MFN2: variants seen among roughly 807,000 people sequenced by gnomAD.
MFN2 encodes mitofusin-2.
In MFN2, 43 loss-of-function variants were observed where a neutral mutation model predicts 87.5. The observed-to-expected ratio is 0.49, with a 90% CI of 0.38 to 0.63. The LOEUF (loss-of-function observed/expected upper bound fraction) is 0.63, where lower values mean the gene tolerates loss of function less well. MFN2 is among the 30% of genes least tolerant of loss of function. The pLI is 0.00. For missense variants in MFN2, 743 were observed against 972.8 expected (o/e 0.76, Z 3.14); for synonymous variants, 337 against 359.9 (o/e 0.94, Z 0.72).
At chr1:12,009,468 C>A in intron 17 of MFN2, 124 bp from the exon 18 acceptor site, 1 of 1,399,316 alleles carries the variant, frequency 7.1e-7, no homozygotes, top group Non-Finnish European at 1.0e-6. Flanking sequence ...CCAGGCCTGG[C>A]TCAGGGCAGA....
At chr1:11,996,996 C>T (rs1638936670) in intron 5 of MFN2, among the ~76,000 whole-genome samples, 1 of 149,832 alleles carries the variant, frequency 6.7e-6, no homozygotes, top group Non-Finnish European at 1.5e-5. Flanking sequence ...TGAGATCACG[C>T]CACTGTACTC....
chr1:11,992,477 G>A, intron 3 of MFN2, 78 bp from the exon 4 acceptor site: 1 of 1,588,492 alleles, frequency 6.3e-7, no homozygotes, highest in South Asian at 1.1e-5. Context: ...AGCAGGGCCG[G>A]CGCTCTGGCC....
In MFN2 at chr1:11,991,910, C is replaced by T. The variant is rs369301591; in HGVS notation, c.176-645C>T. 4.2e-5 allele frequency among the ~76,000 whole-genome samples: 4 copies of T among 96,364 alleles called. No individual in the cohort carries two copies. The South Asian group carries it at 1.3e-3, about 31-fold the overall frequency. 63.2% of individuals were successfully genotyped at this position (96,364 alleles called of 152,430 possible). On this transcript the variant is annotated intron_variant, in intron 3 of 18. Coordinates refer to ENST00000235329, the MANE Select transcript of MFN2 (RefSeq NM_014874.4). ...CTGCACTCCAGCCTGGGCGACAGAG[C>T]GAGACTCCGTCTCAAAAAAAAAAAA...
intron 7 of MFN2, 34 bp from the exon 8 acceptor site, chr1:11,998,954 C>G: frequency 6.2e-7 from 1 of 1,612,786 alleles, no homozygotes. Context: ...GGCTGTCAAG[C>G]TCCTGCTCCA....
In MFN2 at chr1:12,003,275, C is replaced by T. The variant is rs1055165117; in HGVS notation, c.1161-717C>T. 6.6e-6 allele frequency among the ~76,000 whole-genome samples: 1 copy of T among 152,226 alleles called. No homozygotes were observed. Among genetic ancestry groups the T allele is most frequent in the African/African-American group, 2.4e-5 (1 of 41,448 alleles). ...CAGCCGTACCCATTCATTGCATGACCAGTACTGTCCATAGGCCTTCCATTT... is the reference window on the plus strand; with the variant it reads ...CAGCCGTACCCATTCATTGCATGACTAGTACTGTCCATAGGCCTTCCATTT... On this transcript the variant is annotated intron_variant, in intron 11 of 18. Coordinates refer to ENST00000235329, the MANE Select transcript of MFN2 (RefSeq NM_014874.4). The surrounding 1 kb of genome is among the most constrained non-coding windows in gnomAD (Gnocchi z 4.1).
In MFN2 at chr1:12,000,176, CAGT is replaced by C. The variant is rs576240587; in HGVS notation, c.816+1084_816+1086del. On this transcript the variant is annotated intron_variant, in intron 8 of 18. Transcript: ENST00000235329. ...GGATGATAAAACATGCAGTTGCAGTCAGTAGGCCAGAGTCCAAATTATTTATTT... is the reference window on the plus strand; with the variant it reads ...GGATGATAAAACATGCAGTTGCAGTCAGGCCAGAGTCCAAATTATTTATTT... Among the ~76,000 whole-genome samples, 532 of 152,120 alleles carry C rather than the reference CAGT, an allele frequency of 3.5e-3. 4 individuals carry two copies. Among genetic ancestry groups the C allele is most frequent in the Middle Eastern group, 0.027 (8 of 294 alleles).
intron 3 of MFN2, chr1:11,992,280 A>G (rs1638718909): frequency 6.0e-6 from 3 of 499,904 alleles, no homozygotes; most frequent in Non-Finnish European, 1.1e-5. Context: ...GTGCTTAAGG[A>G]AACTAAGACC....
At chr1:12,000,819 A>G (rs938952037) in intron 8 of MFN2, among the ~76,000 whole-genome samples, 1 of 152,174 alleles carries the variant, frequency 6.6e-6, no homozygotes, top group African/African-American at 2.4e-5. Flanking sequence ...AAAATGAGGC[A>G]CTATATAGGC....
At position 12,006,053 on chromosome 1, in the gene MFN2, C is replaced by G. The variant is rs1639402021; in HGVS notation, c.1716+122C>G. The G allele has an allele frequency of 1.2e-5, 10 of 852,070 alleles. No homozygotes were observed. In the South Asian group the frequency reaches 1.5e-4, roughly 12 times the overall value. 52.8% of individuals were successfully genotyped at this position (852,070 alleles called of 1,614,324 possible). A position where few individuals can be genotyped will look rare whatever the true frequency, so the allele number is the denominator to read the frequency against. The stretch of plus-strand genomic sequence containing the variant: ...TCAGCAGCTGTGGTGGTGTGCCCCA[C>G]CACACAGTACACCACAGACAGAATT... On this transcript the variant is annotated intron_variant, in intron 15 of 18. Transcript: ENST00000235329.
chr1:12,007,276 G>A lies in MFN2; in HGVS notation c.2069+27G>A, dbSNP rs758150473. 5.0e-6 allele frequency: 8 copies of A among 1,610,156 alleles called. No homozygotes were observed. The South Asian group carries it at 7.7e-5, about 16-fold the overall frequency. On this transcript the variant is annotated intron_variant, in intron 17 of 18. Transcript: ENST00000235329. The stretch of plus-strand genomic sequence containing the variant: ...TGAGTGGCCCTGTCGGACCCCAGCA[G>A]GGGACTTCCTTTAGGCAGGGTCAGC...
At chr1:11,992,005 T>C (rs1638707287) in intron 3 of MFN2, among the ~76,000 whole-genome samples, 1 of 145,496 alleles carries the variant, frequency 6.9e-6, no homozygotes, top group Non-Finnish European at 1.5e-5. Flanking sequence ...GCTGCCTAAT[T>C]CAAATCATAG....
At chr1:12,001,940 C>T (rs1412079197) in intron 10 of MFN2, 42 bp from the exon 11 acceptor site, 1 of 1,614,022 alleles carries the variant, frequency 6.2e-7, no homozygotes, top group African/African-American at 1.3e-5. Flanking sequence ...GTTGTAGGCC[C>T]CTGGTGGCCC....
At position 12,009,757 on chromosome 1, in the gene MFN2, G is replaced by A. The variant is rs1231747165; in HGVS notation, c.2204+31G>A. The A allele has an allele frequency of 1.2e-6, 2 of 1,613,822 alleles. 1 individual carries two copies. The highest frequency in any genetic ancestry group is 2.7e-5 in the African/African-American group (2 of 74,940). ...GCTGGCCCGTGTGGCCAAAGGTTAG[G>A]GCTCCAGGGTGCAGCCCAGGCACAC... On this transcript the variant is annotated intron_variant, in intron 18 of 18. Transcript: ENST00000235329.
At position 12,004,787 on chromosome 1, in the gene MFN2, T is replaced by A. The variant is rs542541208; in HGVS notation, c.1393-38T>A. ...GGATGTGGCCTGAAGGGAATTTTGA[T>A]GGACATGCTTCTCTTAACTTCCCTC... On this transcript the variant is annotated intron_variant, in intron 13 of 18. Transcript: ENST00000235329. This position sits in a 1 kb window ranked among gnomAD's most constrained non-coding sequence, Gnocchi z 4.2. 2.5e-6 allele frequency: 4 copies of A among 1,597,182 alleles called. No individual in the cohort carries two copies. Among genetic ancestry groups the A allele is most frequent in the Admixed American group, 1.7e-5 (1 of 59,780 alleles).
At chr1:12,007,378 T>G in intron 17 of MFN2, 129 bp downstream of exon 17, 1 of 1,204,690 alleles carries the variant, frequency 8.3e-7, no homozygotes, top group Non-Finnish European at 1.2e-6. Flanking sequence ...CCCTGGGCCT[T>G]CAGGTGTGCA....
chr1:11,989,047 G>A, intron 2 of MFN2, 118 bp from the exon 3 acceptor site: 1 of 1,133,640 alleles, frequency 8.8e-7, no homozygotes, highest in Middle Eastern at 2.3e-4. Flanking sequence ...AGTCCTGGAG[G>A]TTGCAGTGAC....
At position 12,004,059 on chromosome 1, in the gene MFN2, C is replaced by A. The variant is rs1254519410; in HGVS notation, c.1228C>A (p.Leu410Ile). 7 of 1,614,098 alleles carry A rather than the reference C, an allele frequency of 4.3e-6. No homozygotes were observed. The highest frequency in any genetic ancestry group is 5.1e-6 in the Non-Finnish European group (6 of 1,180,048). Residue 410 changes from leucine to isoleucine, a missense_variant, in exon 12 of 19, where the codon CTC (leucine) becomes ATC (isoleucine). By Grantham distance (5) the Leu-to-Ile change is conservative. Coordinates refer to ENST00000235329, the MANE Select transcript of MFN2 (RefSeq NM_014874.4). This position sits in a 1 kb window ranked among gnomAD's most constrained non-coding sequence, Gnocchi z 4.2. ...RLKFIDKQLELLAQDYKLRIK... is the reference protein window; with the variant it reads ...RLKFIDKQLEILAQDYKLRIK... ...GAAATTTATTGACAAACAGCTGGAG[C>A]TCTTGGCTCAAGACTATAAGCTGCG...
chr1:11,986,829 G>T (rs933689567), intron 2 of MFN2, among the ~76,000 whole-genome samples: 6 of 151,816 alleles, frequency 4.0e-5, no homozygotes, highest in Non-Finnish European at 8.8e-5. Context: ...CACCCGCCTG[G>T]GCCTCCCAAA....
chr1:12,005,014 T>A (rs935530424), intron 14 of MFN2, 87 bp downstream of exon 14: 2 of 1,000,964 alleles, frequency 2.0e-6, no homozygotes, highest in African/African-American at 3.2e-5. Flanking sequence ...ATCAGGACTT[T>A]CCTTATCTGT....
Sources: allele counts gnomAD v4.1 joint callset (sites outside exome capture counted in the v4.1 genomes callset), GRCh38; gene constraint gnomAD v4.1.1; non-coding constraint Gnocchi (gnomAD v3.1); transcripts MANE v1.5; gene names NCBI Gene and HGNC (gene_info 2026-07-23, HGNC 2026-07-21).